The following CLIC5 variants were observed in gnomAD, a reference collection of about 807,000 sequenced individuals.
CLIC5 encodes the protein CLIC family member 5.
CLIC5 carries 20 observed loss-of-function variants against 24.7 expected under a neutral mutation model. The observed-to-expected ratio is 0.81, with a 90% CI of 0.57 to 1.18. CLIC5 has a LOEUF of 1.18. Among genes scored for constraint, CLIC5 ranks in the 50% most tolerant of loss-of-function variants. The pLI is 0.00. For missense variants in CLIC5, 341 were observed against 326.1 expected, an observed-to-expected ratio of 1.05 and a Z score of -0.35; for synonymous variants, 159 against 135.6, an observed-to-expected ratio of 1.17 and a Z score of -1.20.
the CLIC5 span, among the ~76,000 whole-genome samples, chr6:46,086,410 G>A: frequency 2.6e-5 from 4 of 152,320 alleles, no homozygotes; most frequent in East Asian, 5.8e-4. Context: ...AATGTCTTAA[G>A]TGATAGATAA....
At chr6:45,895,106 G>A (rs1762382329), downstream of CLIC5, among the ~76,000 whole-genome samples, 1 of 151,978 alleles carries the variant, frequency 6.6e-6, no homozygotes, top group Non-Finnish European at 1.5e-5. Context: ...GTTATCTGTG[G>A]GCAGAAGGAT....
upstream of CLIC5, among the ~76,000 whole-genome samples, chr6:46,084,812 T>C (rs79719238): frequency 2.0e-5 from 3 of 152,356 alleles, no homozygotes; most frequent in Admixed American, 2.0e-4. Context: ...TGAATCTGAA[T>C]GTTGGCTTGC....
At chr6:46,017,743 G>A (rs540164314), upstream of CLIC5, among the ~76,000 whole-genome samples, 12 of 152,208 alleles carry the variant, frequency 7.9e-5, no homozygotes, top group African/African-American at 2.7e-4. Context: ...CCATGGTTGG[G>A]GTGAGGAGAG....
Position 45,899,279 on chromosome 6 carries a change from G to T in CLIC5, c.*3809C>A, listed in dbSNP as rs561704433. On this transcript the variant is annotated 3_prime_UTR_variant, in exon 6 of 6. Coordinates refer to ENST00000339561, the MANE Select transcript of CLIC5 (RefSeq NM_016929.5). ...ATGCTTTCTTAAGATTCTCCTTAAT[G>T]TCATTTAAAAAAATAAGAAAGTGAT... is the stretch of plus-strand genomic sequence containing the variant. The T allele has an allele frequency of 6.6e-6, 1 of 152,252 alleles. No individual in the cohort carries two copies. Among genetic ancestry groups the T allele is most frequent in the East Asian group, 1.9e-4 (1 of 5,176 alleles). 9.4% of individuals were successfully genotyped at this position (152,252 alleles called of 1,614,324 possible).
chr6:46,002,246 T>TTTG (rs1554160057), intron 1 of CLIC5, among the ~76,000 whole-genome samples: 2 of 139,728 alleles, frequency 1.4e-5, no homozygotes, highest in South Asian at 4.7e-4. Context: ...TGTAATTTTT[T>TTTG]TTGTTGTTGT....
At chr6:45,896,555 A>G (rs1762395119), downstream of CLIC5, among the ~76,000 whole-genome samples, 1 of 152,232 alleles carries the variant, frequency 6.6e-6, no homozygotes, top group Non-Finnish European at 1.5e-5. Flanking sequence ...CCACAAGGTA[A>G]AACTTACTGG....
intron 1 of CLIC5, among the ~76,000 whole-genome samples, chr6:46,074,642 G>A (rs541956816): frequency 6.6e-6 from 1 of 152,312 alleles, no homozygotes; most frequent in South Asian, 2.1e-4. Flanking sequence ...CCAAGGGACA[G>A]GCTTCACGTG....
chr6:46,015,733 T>G lies in CLIC5; in HGVS notation c.-191A>C, dbSNP rs1026272598. 269 of 1,240,476 alleles carry G rather than the reference T, an allele frequency of 2.2e-4. No homozygotes were observed. Among genetic ancestry groups the G allele is most frequent in the Non-Finnish European group, 2.5e-4 (248 of 992,002 alleles). The allele number at this position is 1,240,476 out of a possible 1,614,324, so 76.8% of individuals were successfully genotyped here. A position where few individuals can be genotyped will look rare whatever the true frequency, so the allele number is the denominator to read the frequency against. ...GAGATCAGTGTCCCAGATGCTCACA[T>G]GAAAAGGAGCGAAGCCGGGAGGAGG... On this transcript the variant is annotated 5_prime_UTR_variant, in exon 1 of 6. An upstream start codon of the reference 5' UTR is lost. Coordinates refer to ENST00000339561, the MANE Select transcript of CLIC5 (RefSeq NM_016929.5).
chr6:46,094,049 C>A, the CLIC5 span, among the ~76,000 whole-genome samples: 1 of 152,080 alleles, frequency 6.6e-6, no homozygotes, highest in African/African-American at 2.4e-5. Flanking sequence ...AGGGAAAGTA[C>A]CAAAAGAGAG....
At chr6:46,080,459 C>A (rs1217042966), upstream of CLIC5, 1 of 534,088 alleles carries the variant, frequency 1.9e-6, no homozygotes, top group African/African-American at 1.9e-5. Flanking sequence ...AGCTTACACA[C>A]TCAGTTAACT....
chr6:46,060,274 CCCTAAATACGGTGTAT>C (rs1219661697), intron 1 of CLIC5, among the ~76,000 whole-genome samples: 2 of 151,814 alleles, frequency 1.3e-5, no homozygotes, highest in Non-Finnish European at 2.9e-5. Flanking sequence ...AGTTGGTTTG[CCCTAAATACGGTGTAT>C]TTACTTATTA....
chr6:46,111,571 G>A, the CLIC5 span, among the ~76,000 whole-genome samples: 1 of 152,010 alleles, frequency 6.6e-6, no homozygotes, highest in South Asian at 2.1e-4. Context: ...AGAAGATATG[G>A]GATATGTTTA....
At chr6:46,080,063 T>G in exon 1 of CLIC5, 1 of 1,551,718 alleles carries the variant, frequency 6.4e-7, no homozygotes, top group East Asian at 2.4e-5. Context: ...TGGTATAGAC[T>G]GACACAAAAT....
At chr6:45,914,970 A>T (rs1222199202) in intron 4 of CLIC5, among the ~76,000 whole-genome samples, 1 of 151,952 alleles carries the variant, frequency 6.6e-6, no homozygotes, top group East Asian at 1.9e-4. Flanking sequence ...TCACTCTGTC[A>T]CTAAGCTGGA....
chr6:45,929,951 T>G (rs1473015403), intron 4 of CLIC5, among the ~76,000 whole-genome samples: 1 of 151,968 alleles, frequency 6.6e-6, no homozygotes, highest in African/African-American at 2.4e-5. Flanking sequence ...ATCCCCTGGA[T>G]GGCCAGGCCC....
At chr6:46,089,917 T>C in the CLIC5 span, among the ~76,000 whole-genome samples, 479 of 152,314 alleles carry the variant, frequency 3.1e-3, 2 homozygotes, top group African/African-American at 0.011. Context: ...TTTGCAGTAA[T>C]TGCCACCTTC....
intron 1 of CLIC5, among the ~76,000 whole-genome samples, chr6:45,968,413 AC>A (rs1042811184): frequency 6.6e-6 from 1 of 152,156 alleles, no homozygotes; most frequent in African/African-American, 2.4e-5. Context: ...TGATTAAAGA[AC>A]TGGGAAAGAA....
the CLIC5 span, among the ~76,000 whole-genome samples, chr6:46,086,232 G>A: frequency 6.6e-6 from 1 of 152,232 alleles, no homozygotes; most frequent in Non-Finnish European, 1.5e-5. Flanking sequence ...TTCGGCTCGT[G>A]CACGGTGCAC....
At chr6:46,079,795 A>G in exon 1 of CLIC5, 1 of 1,552,148 alleles carries the variant, frequency 6.4e-7, no homozygotes, top group South Asian at 1.2e-5. Flanking sequence ...TTGGTGGTAG[A>G]GAAGGCCTTA....
Sources: gnomAD v4.1 joint callset for allele counts (sites outside exome capture counted in the v4.1 genomes callset) on GRCh38, gnomAD v4.1.1 for gene constraint, MANE v1.5 for transcripts, NCBI Gene and HGNC (gene_info 2026-07-23, HGNC 2026-07-21) for gene names.